Variants in ANKS1B observed in about 807,000 individuals in gnomAD.
ANKS1B encodes the protein ankyrin repeat and sterile alpha motif domain-containing protein 1B.
In ANKS1B, 36 loss-of-function variants were observed where a neutral mutation model predicts 148.3. The observed-to-expected ratio is 0.24, with a 90% CI of 0.19 to 0.32. The LOEUF (loss-of-function observed/expected upper bound fraction) is 0.32, where lower values mean the gene tolerates loss of function less well. Among genes scored for constraint, ANKS1B ranks in the 10% least tolerant of loss-of-function variants. The pLI, the probability that ANKS1B is intolerant of heterozygous loss-of-function variation, is 1.00. For synonymous variants in ANKS1B, 542 were observed against 560.8 expected (o/e 0.97, Z 0.47); for missense variants, 1,157 against 1,542.6 (o/e 0.75, Z 4.19).
intron 15 of ANKS1B, among the ~76,000 whole-genome samples, chr12:99,117,475 T>A (rs1234258023): frequency 6.6e-6 from 1 of 152,164 alleles, no homozygotes; most frequent in African/African-American, 2.4e-5. Flanking sequence ...TTGTCATTGG[T>A]TCTGTTTATG....
chr12:99,206,140 G>A (rs995687579), intron 14 of ANKS1B, among the ~76,000 whole-genome samples: 2 of 152,150 alleles, frequency 1.3e-5, no homozygotes, highest in South Asian at 2.1e-4. Flanking sequence ...AACAAGGTAC[G>A]CTGTGAAAGC....
At chr12:99,404,061 C>A (rs2094475450) in intron 11 of ANKS1B, among the ~76,000 whole-genome samples, 1 of 146,226 alleles carries the variant, frequency 6.8e-6, no homozygotes, top group South Asian at 2.1e-4. Flanking sequence ...TTATCCTTAG[C>A]AAACTAACAC....
intron 1 of ANKS1B, among the ~76,000 whole-genome samples, chr12:99,881,742 C>T (rs1245924252): frequency 2.0e-5 from 3 of 152,196 alleles, no homozygotes; most frequent in Non-Finnish European, 4.4e-5. Context: ...AACGAATTGA[C>T]ACTGAAACCA....
At chr12:99,323,078 C>G (rs777327407) in intron 12 of ANKS1B, among the ~76,000 whole-genome samples, 8 of 152,140 alleles carry the variant, frequency 5.3e-5, no homozygotes, top group Non-Finnish European at 1.2e-4. Context: ...AACTAATACA[C>G]TCAGCTTGAG....
intron 9 of ANKS1B, among the ~76,000 whole-genome samples, chr12:99,545,778 A>G (rs912407416): frequency 1.8e-5 from 2 of 111,878 alleles, no homozygotes; most frequent in Admixed American, 1.8e-4. Flanking sequence ...CACATATATA[A>G]ATTATATATA....
intron 1 of ANKS1B, among the ~76,000 whole-genome samples, chr12:99,838,986 T>G (rs2085279225): frequency 6.6e-6 from 1 of 152,180 alleles, no homozygotes; most frequent in South Asian, 2.1e-4. Flanking sequence ...TTAATTTCTA[T>G]AGCTTTATAG....
intron 1 of ANKS1B, among the ~76,000 whole-genome samples, chr12:99,882,074 C>T (rs1007497350): frequency 3.9e-5 from 6 of 152,078 alleles, no homozygotes; most frequent in East Asian, 3.9e-4. Context: ...AAATAGAAGA[C>T]GTGAAGAAGA....
intron 19 of ANKS1B, among the ~76,000 whole-genome samples, chr12:98,822,431 C>T (rs929187868): frequency 6.6e-6 from 1 of 152,122 alleles, no homozygotes. Flanking sequence ...AAGAAACATT[C>T]TGAAAATTTA....
intron 11 of ANKS1B, among the ~76,000 whole-genome samples, chr12:99,437,258 C>T (rs1007532837): frequency 4.6e-5 from 7 of 151,792 alleles, no homozygotes; most frequent in Admixed American, 4.6e-4. Context: ...TGAACTAATC[C>T]CATTCATGAG....
chr12:99,810,718 C>A (rs1212624713), intron 3 of ANKS1B, among the ~76,000 whole-genome samples: 1 of 151,896 alleles, frequency 6.6e-6, no homozygotes, highest in Non-Finnish European at 1.5e-5. Context: ...CATATAGCAA[C>A]TTTTCACTTT....
chr12:99,531,572 T>C (rs377641103), intron 9 of ANKS1B, among the ~76,000 whole-genome samples: 3 of 152,220 alleles, frequency 2.0e-5, no homozygotes, highest in African/African-American at 7.2e-5. Flanking sequence ...TAGCATTCCA[T>C]GGTATATATA....
chr12:99,044,835 G>A (rs998247076), intron 17 of ANKS1B, among the ~76,000 whole-genome samples: 5 of 152,282 alleles, frequency 3.3e-5, no homozygotes, highest in African/African-American at 1.2e-4. Flanking sequence ...AGCAGGGCAG[G>A]TATTTTTTAT....
chr12:99,803,567 C>A (rs565295500), intron 4 of ANKS1B, among the ~76,000 whole-genome samples: 29 of 152,194 alleles, frequency 1.9e-4, no homozygotes, highest in Admixed American at 9.8e-4. Flanking sequence ...GTCTGCCTTT[C>A]TTCTGATATG....
chr12:99,511,594 C>T (rs182247940), intron 9 of ANKS1B, among the ~76,000 whole-genome samples: 18 of 151,860 alleles, frequency 1.2e-4, no homozygotes, highest in South Asian at 4.2e-4. Context: ...AAAAGGAGCC[C>T]GAATAGCCAA....
intron 1 of ANKS1B, among the ~76,000 whole-genome samples, chr12:99,831,810 A>G (rs2084054414): frequency 6.6e-6 from 1 of 152,102 alleles, no homozygotes; most frequent in African/African-American, 2.4e-5. Flanking sequence ...AATTCTTCTT[A>G]GTTTTATACA....
intron 16 of ANKS1B, 25 bp from the exon 17 acceptor site, chr12:99,053,334 G>T (rs1214660021): frequency 6.4e-7 from 1 of 1,551,028 alleles, no homozygotes; most frequent in Admixed American, 2.1e-5. Context: ...ATTACATTAG[G>T]ATTAAACTGT....
chr12:99,745,034 G>C (rs1005235849), intron 8 of ANKS1B, among the ~76,000 whole-genome samples: 1 of 144,208 alleles, frequency 6.9e-6, no homozygotes, highest in Admixed American at 7.0e-5. Context: ...GTATCTTTAG[G>C]AGCCCAAGAA....
intron 9 of ANKS1B, among the ~76,000 whole-genome samples, chr12:99,506,623 C>A (rs1316613528): frequency 2.0e-5 from 3 of 151,902 alleles, no homozygotes; most frequent in Non-Finnish European, 2.9e-5. Flanking sequence ...TATCCCTCAT[C>A]AACTATCCCA....
At chr12:99,774,676 C>T (rs953558686) in intron 7 of ANKS1B, among the ~76,000 whole-genome samples, 4 of 152,114 alleles carry the variant, frequency 2.6e-5, no homozygotes, top group African/African-American at 9.7e-5. Flanking sequence ...GAGATATCTG[C>T]ACCCTTCTGT....
Sources: allele counts gnomAD v4.1 joint callset (sites outside exome capture counted in the v4.1 genomes callset), GRCh38; gene constraint gnomAD v4.1.1; transcripts MANE v1.5; gene names NCBI Gene and HGNC (gene_info 2026-07-23, HGNC 2026-07-21).